KCNH1: variants seen among roughly 807,000 people sequenced by gnomAD.
KCNH1 encodes potassium voltage-gated channel subfamily H member 1.
A neutral mutation model predicts 69.2 loss-of-function variants in KCNH1; 27 were observed. The ratio of observed to expected loss-of-function variants is 0.39; its 90% confidence interval spans 0.29 to 0.54. The LOEUF (loss-of-function observed/expected upper bound fraction) is 0.54. Ranked by LOEUF, KCNH1 falls within the 20% of genes least tolerant of loss-of-function variation. The pLI is 0.68. For missense variants in KCNH1, 798 were observed against 1,261.6 expected, an observed-to-expected ratio of 0.63 and a Z score of 5.57; for synonymous variants, 456 against 487.7, an observed-to-expected ratio of 0.93 and a Z score of 0.86.
chr1:210,714,884 A>AT (rs1256424705), intron 10 of KCNH1, among the ~76,000 whole-genome samples: 1 of 152,094 alleles, frequency 6.6e-6, no homozygotes, highest in Admixed American at 6.5e-5. Context: ...GTATAACCTC[A>AT]TTTTCCCCCA....
intron 7 of KCNH1, among the ~76,000 whole-genome samples, chr1:210,878,766 A>G (rs1210484467): frequency 1.3e-5 from 2 of 152,076 alleles, no homozygotes; most frequent in Admixed American, 1.3e-4. Flanking sequence ...TAAGCAGAAA[A>G]GAAAAGAAAT....
chr1:211,116,266 G>A (rs1691580471), intron 1 of KCNH1, among the ~76,000 whole-genome samples: 1 of 152,016 alleles, frequency 6.6e-6, no homozygotes, highest in Non-Finnish European at 1.5e-5. Context: ...CTAAATATCT[G>A]GGCACGCCAT....
intron 7 of KCNH1, among the ~76,000 whole-genome samples, chr1:210,833,474 T>C (rs12085875): frequency 0.24 from 37,170 of 151,990 alleles, 4,676 homozygotes; most frequent in African/African-American, 0.31. Context: ...GAAAACTGGC[T>C]AGCCATATGT....
intron 6 of KCNH1, among the ~76,000 whole-genome samples, chr1:211,000,310 C>T (rs1689149102): frequency 1.3e-5 from 2 of 152,190 alleles, no homozygotes; most frequent in Admixed American, 6.5e-5. Flanking sequence ...GCAACTTCAG[C>T]AAAGTCTCAG....
chr1:210,816,063 C>A (rs576170682), intron 7 of KCNH1, among the ~76,000 whole-genome samples: 1 of 152,168 alleles, frequency 6.6e-6, no homozygotes, highest in Non-Finnish European at 1.5e-5. Context: ...AAGCGGCGAG[C>A]GATTAACCTG....
intron 7 of KCNH1, among the ~76,000 whole-genome samples, chr1:210,901,324 C>T (rs549726092): frequency 1.5e-3 from 222 of 152,224 alleles, no homozygotes; most frequent in Non-Finnish European, 2.1e-3. Context: ...TTCCTCTTTC[C>T]GTCTGCACTG....
chr1:210,873,083 C>T lies in KCNH1; in HGVS notation c.1462+46557G>A, dbSNP rs147934351. ...CAGAATTGTCCATTTTCTCATTTTTCGCTACCATGACCACTGAACTATCAT... is the reference window on the plus strand; with the variant it reads ...CAGAATTGTCCATTTTCTCATTTTTTGCTACCATGACCACTGAACTATCAT... On this transcript the variant is annotated intron_variant, in intron 7 of 10. Coordinates refer to ENST00000271751, the MANE Select transcript of KCNH1 (RefSeq NM_172362.3). Among the ~76,000 whole-genome samples the T allele has an allele frequency of 3.9e-3, 598 of 152,252 alleles. 6 individuals are homozygous for T. Among genetic ancestry groups the T allele is most frequent in the African/African-American group, 0.014 (564 of 41,562 alleles).
intron 7 of KCNH1, among the ~76,000 whole-genome samples, chr1:210,810,084 A>G (rs531075884): frequency 6.6e-6 from 1 of 152,038 alleles, no homozygotes; most frequent in Non-Finnish European, 1.5e-5. Context: ...TCTCTTTTTT[A>G]TGAGACATCT....
chr1:211,073,531 A>C (rs530863524), intron 5 of KCNH1, among the ~76,000 whole-genome samples: 1 of 152,370 alleles, frequency 6.6e-6, no homozygotes, highest in Admixed American at 6.5e-5. Flanking sequence ...CTCAGGCCAC[A>C]GTGGAATTAA....
chr1:210,697,490 T>C (rs1031107460), intron 10 of KCNH1, among the ~76,000 whole-genome samples: 2 of 152,246 alleles, frequency 1.3e-5, no homozygotes, highest in African/African-American at 4.8e-5. Flanking sequence ...GCCTGCAAGA[T>C]GCTCTTGCCA....
At chr1:210,698,170 C>T (rs1011368812) in intron 10 of KCNH1, among the ~76,000 whole-genome samples, 1 of 152,182 alleles carries the variant, frequency 6.6e-6, no homozygotes, top group Non-Finnish European at 1.5e-5. Context: ...GTTTAGCTTT[C>T]CCATTCCACA....
Position 210,955,746 on chromosome 1 carries a change from T to G in KCNH1, c.1033-35677A>C, listed in dbSNP as rs144267357. ...AGGAATCCTTGTGATTTTTGCACAT[T>G]GATTTTGTACCATGAGACTTCACTG... On this transcript the variant is annotated intron_variant, in intron 6 of 10. Coordinates refer to ENST00000271751, the MANE Select transcript of KCNH1 (RefSeq NM_172362.3). Among the ~76,000 whole-genome samples the G allele has an allele frequency of 1.7e-3, 264 of 152,264 alleles. 1 individual carries two copies. Among genetic ancestry groups the G allele is most frequent in the African/African-American group, 6.1e-3 (254 of 41,568 alleles).
chr1:211,049,360 T>A (rs968915106), intron 5 of KCNH1, among the ~76,000 whole-genome samples: 2 of 152,176 alleles, frequency 1.3e-5, no homozygotes, highest in East Asian at 3.8e-4. Flanking sequence ...CAGATAACAC[T>A]CACATATGTC....
At chr1:210,748,228 G>T (rs11119589) in intron 10 of KCNH1, among the ~76,000 whole-genome samples, 1 of 152,024 alleles carries the variant, frequency 6.6e-6, no homozygotes, top group East Asian at 1.9e-4. Context: ...ACGCAGGAGT[G>T]GGATAGTGGG....
intron 10 of KCNH1, among the ~76,000 whole-genome samples, chr1:210,695,723 T>C (rs1174130039): frequency 1.3e-5 from 2 of 148,972 alleles, no homozygotes; most frequent in Non-Finnish European, 3.0e-5. Flanking sequence ...TTGTCTATTA[T>C]AATTTGGAAA....
intron 10 of KCNH1, among the ~76,000 whole-genome samples, chr1:210,718,344 ATG>A (rs1453490720): frequency 8.3e-6 from 1 of 121,132 alleles, no homozygotes; most frequent in Non-Finnish European, 1.6e-5. Flanking sequence ...ATATGTATAT[ATG>A]TATATATACA....
At chr1:210,796,940 C>T (rs1408987965) in intron 9 of KCNH1, among the ~76,000 whole-genome samples, 1 of 152,120 alleles carries the variant, frequency 6.6e-6, no homozygotes, top group East Asian at 1.9e-4. Flanking sequence ...TCCCAGTCAC[C>T]TAATGTGGCT....
intron 7 of KCNH1, among the ~76,000 whole-genome samples, chr1:210,896,832 C>G (rs1255302592): frequency 6.6e-6 from 1 of 152,144 alleles, no homozygotes; most frequent in Non-Finnish European, 1.5e-5. Flanking sequence ...ACAGACTTTT[C>G]CTTCCTATTA....
chr1:211,008,252 A>ATTATGC (rs1689322275), intron 6 of KCNH1, among the ~76,000 whole-genome samples: 2 of 152,240 alleles, frequency 1.3e-5, no homozygotes, highest in Non-Finnish European at 2.9e-5. Context: ...CACAACATGA[A>ATTATGC]TAAACCTTGA....
Sources: gnomAD v4.1 joint callset for allele counts (sites outside exome capture counted in the v4.1 genomes callset) on GRCh38, gnomAD v4.1.1 for gene constraint, MANE v1.5 for transcripts, NCBI Gene and HGNC (gene_info 2026-07-23, HGNC 2026-07-21) for gene names.